The following PRKN variants were observed in gnomAD, a reference collection of about 807,000 sequenced individuals.
PRKN encodes the protein E3 ubiquitin-protein ligase parkin.
PRKN carries 56 observed loss-of-function variants against 59.5 expected under a neutral mutation model. The observed-to-expected ratio is 0.94, with a 90% CI of 0.76 to 1.18. The LOEUF (loss-of-function observed/expected upper bound fraction) is 1.18, where lower values mean the gene tolerates loss of function less well. PRKN is among the 50% of genes most tolerant of loss of function. The pLI, the probability that PRKN is intolerant of heterozygous loss-of-function variation, is 0.00. For missense variants in PRKN, 657 were observed against 596.4 expected, an observed-to-expected ratio of 1.10 and a Z score of -1.06; for synonymous variants, 250 against 222.1, an observed-to-expected ratio of 1.13 and a Z score of -1.12.
chr6:161,676,061 G>A (rs1418630066), intron 7 of PRKN, among the ~76,000 whole-genome samples: 2 of 152,134 alleles, frequency 1.3e-5, no homozygotes, highest in South Asian at 4.1e-4. Flanking sequence ...GGTAGTACTC[G>A]GCAGTGACTA....
chr6:161,581,713 G>A lies in PRKN; in HGVS notation c.872-12297C>T, dbSNP rs541202715. ...CTGAGAATGAACATCAGCAATTGGT[G>A]TTGACTCAGAAGGCTGAGATTCTGT... On this transcript the variant is annotated intron_variant, in intron 7 of 11. Coordinates refer to ENST00000366898, the MANE Select transcript of PRKN (RefSeq NM_004562.3). This position sits in a 1 kb window ranked among gnomAD's most constrained non-coding sequence, Gnocchi z 4.5. 6.6e-6 allele frequency among the ~76,000 whole-genome samples: 1 copy of A among 152,292 alleles called. No homozygotes were observed. Among genetic ancestry groups the A allele is most frequent in the South Asian group, 2.1e-4 (1 of 4,830 alleles).
At chr6:162,312,054 C>CA (rs1396851563) in intron 2 of PRKN, among the ~76,000 whole-genome samples, 1 of 151,982 alleles carries the variant, frequency 6.6e-6, no homozygotes, top group East Asian at 2.0e-4. Flanking sequence ...TCTTGCTTCG[C>CA]AAACAGAAGG....
chr6:162,303,168 A>G (rs1460923477), intron 2 of PRKN, among the ~76,000 whole-genome samples: 1 of 152,218 alleles, frequency 6.6e-6, no homozygotes, highest in Non-Finnish European at 1.5e-5. Context: ...TAGTTATTAA[A>G]TAGTGAAAAT....
chr6:162,294,736 G>GT (rs1019827350), intron 2 of PRKN, among the ~76,000 whole-genome samples: 11 of 150,172 alleles, frequency 7.3e-5, no homozygotes, highest in African/African-American at 2.0e-4. Flanking sequence ...TAGAATAAGA[G>GT]TAAAAAAAAA....
rs574313831 is a variant in PRKN at position 162,409,000 on chromosome 6, C to G, written c.171+34310G>C. 9.9e-5 allele frequency among the ~76,000 whole-genome samples: 15 copies of G among 151,898 alleles called. No individual in the cohort carries two copies. The South Asian group carries it at 2.9e-3, about 30-fold the overall frequency. On this transcript the variant is annotated intron_variant, in intron 2 of 11. Coordinates refer to ENST00000366898, the MANE Select transcript of PRKN (RefSeq NM_004562.3). ...TTCCATCCCTGCCTCTCCCACTCCC[C>G]CTGTCTCTCTGACACTGTTGTCTCC...
chr6:161,426,676 C>CACACACACACACACACACACACAT (rs11271613), intron 9 of PRKN, among the ~76,000 whole-genome samples: 1,569 of 142,754 alleles, frequency 0.011, 35 homozygotes, highest in Middle Eastern at 0.022. Context: ...CACACACACA[C>CACACACACACACACACACACACAT]CTCCTATTAG....
At chr6:162,512,498 A>G (rs1016730061) in intron 1 of PRKN, among the ~76,000 whole-genome samples, 2 of 152,226 alleles carry the variant, frequency 1.3e-5, no homozygotes, top group Admixed American at 6.5e-5. Context: ...TATTATGAAT[A>G]GGTTCTCAGC....
chr6:161,814,589 G>A (rs541977479), intron 6 of PRKN, among the ~76,000 whole-genome samples: 73 of 152,186 alleles, frequency 4.8e-4, no homozygotes, highest in Non-Finnish European at 8.2e-4. Context: ...CGCAACCTCC[G>A]CCTCCCGGGT....
At chr6:162,676,985 C>T (rs376801199) in intron 1 of PRKN, among the ~76,000 whole-genome samples, 5 of 150,224 alleles carry the variant, frequency 3.3e-5, no homozygotes, top group Non-Finnish European at 5.9e-5. Context: ...CGCTTGAACC[C>T]GGGAGGCAGA....
intron 1 of PRKN, among the ~76,000 whole-genome samples, chr6:162,443,737 G>C (rs183814461): frequency 8.5e-5 from 13 of 152,106 alleles, no homozygotes; most frequent in Admixed American, 8.5e-4. Flanking sequence ...TCCATCCTGG[G>C]AAACAGAGAG....
At chr6:161,513,701 C>T (rs570986488) in intron 9 of PRKN, among the ~76,000 whole-genome samples, 4 of 152,202 alleles carry the variant, frequency 2.6e-5, no homozygotes, top group Admixed American at 6.5e-5. Flanking sequence ...ACGGGCCTTG[C>T]TGCTGCTGTT....
chr6:162,664,919 C>T (rs1303103590), intron 1 of PRKN, among the ~76,000 whole-genome samples: 1 of 152,054 alleles, frequency 6.6e-6, no homozygotes, highest in Non-Finnish European at 1.5e-5. Context: ...GCTTTTGTTG[C>T]AATTGCTAAA....
intron 3 of PRKN, among the ~76,000 whole-genome samples, chr6:162,214,536 G>T (rs950365848): frequency 2.6e-5 from 4 of 152,086 alleles, no homozygotes; most frequent in African/African-American, 9.7e-5. Flanking sequence ...CTGTCCAGTG[G>T]TTATCCAAAT....
chr6:162,501,514 ATTTTTT>A (rs10596593), intron 1 of PRKN, among the ~76,000 whole-genome samples: 1 of 141,750 alleles, frequency 7.1e-6, no homozygotes, highest in Non-Finnish European at 1.5e-5. Flanking sequence ...CGCCTGGTTA[ATTTTTT>A]TTTTTTTTTT....
At chr6:162,008,799 C>T (rs941719748) in intron 5 of PRKN, among the ~76,000 whole-genome samples, 6 of 152,110 alleles carry the variant, frequency 3.9e-5, no homozygotes, top group South Asian at 2.1e-4. Flanking sequence ...TTTATTTAGC[C>T]TTACAATATT....
At chr6:162,015,351 A>G (rs1181398143) in intron 5 of PRKN, among the ~76,000 whole-genome samples, 1 of 152,312 alleles carries the variant, frequency 6.6e-6, no homozygotes, top group Middle Eastern at 3.4e-3. Context: ...TGGGCTAAGG[A>G]TGATGATCAG....
chr6:162,631,315 C>T (rs1026582960), intron 1 of PRKN, among the ~76,000 whole-genome samples: 1 of 152,104 alleles, frequency 6.6e-6, no homozygotes, highest in Admixed American at 6.6e-5. Flanking sequence ...TGTCAATAAA[C>T]ACAAATAGAG....
intron 1 of PRKN, among the ~76,000 whole-genome samples, chr6:162,648,441 G>A (rs1778284515): frequency 1.3e-5 from 2 of 149,180 alleles, no homozygotes; most frequent in South Asian, 2.1e-4. Context: ...GAGTGCAGTG[G>A]TGCCATCTTG....
chr6:162,614,610 A>G (rs547612967), intron 1 of PRKN, among the ~76,000 whole-genome samples: 1 of 152,334 alleles, frequency 6.6e-6, no homozygotes, highest in South Asian at 2.1e-4. Flanking sequence ...CCTGTGGTCT[A>G]AATCAAATAA....
Sources: allele counts gnomAD v4.1 joint callset (sites outside exome capture counted in the v4.1 genomes callset), GRCh38; gene constraint gnomAD v4.1.1; non-coding constraint Gnocchi (gnomAD v3.1); transcripts MANE v1.5; gene names NCBI Gene and HGNC (gene_info 2026-07-23, HGNC 2026-07-21).